The following PGPEP1 variants were observed in gnomAD, a reference collection of about 807,000 sequenced individuals.
PGPEP1 encodes pyroglutamyl-peptidase I, also known as pyroglutamyl-peptidase 1.
In PGPEP1, 15 loss-of-function variants were observed where a neutral mutation model predicts 24.1. The observed-to-expected ratio is 0.62, with a 90% CI of 0.42 to 0.96. PGPEP1 has a LOEUF of 0.96. Ranked by LOEUF, PGPEP1 falls within the 40% of genes least tolerant of loss-of-function variation. The probability of loss-of-function intolerance (pLI) is 0.00; values close to 1 mark genes in which losing one functional copy is unlikely to be tolerated. For synonymous variants in PGPEP1, 122 were observed against 116.4 expected (o/e 1.05, Z -0.31); for missense variants, 242 against 273.4 (o/e 0.89, Z 0.81).
chr19:18,352,496 A>T (rs922037297), intron 2 of PGPEP1, among the ~76,000 whole-genome samples: 3 of 151,570 alleles, frequency 2.0e-5, no homozygotes, highest in African/African-American at 7.3e-5. Flanking sequence ...TGTGGTGTGA[A>T]GATGGGAATT....
intron 4 of PGPEP1, among the ~76,000 whole-genome samples, chr19:18,363,029 TTGTTTG>T (rs1191259629): frequency 1.7e-5 from 1 of 59,418 alleles, no homozygotes; most frequent in African/African-American, 6.0e-5. Flanking sequence ...CAAGTTTTTT[TTGTTTG>T]TGTGTGTGTG....
At chr19:18,345,819 C>T (rs954773963) in intron 2 of PGPEP1, among the ~76,000 whole-genome samples, 7 of 151,622 alleles carry the variant, frequency 4.6e-5, no homozygotes, top group African/African-American at 7.3e-5. Context: ...GCGGGCAGAT[C>T]GCTTGAGGTC....
Position 18,367,477 on chromosome 19 carries a change from A to G in PGPEP1, c.*3894A>G, listed in dbSNP as rs1277800616. On this transcript the variant is annotated 3_prime_UTR_variant, in exon 5 of 5. Transcript: ENST00000269919. ...AGTGATCAGGGCACCTGGTACCCTG[A>G]CCAACTTGATGATGGCATCTCTTTT... is the stretch of plus-strand genomic sequence containing the variant. The G allele has an allele frequency of 6.6e-6, 1 of 152,002 alleles. No individual in the cohort carries two copies. Among genetic ancestry groups the G allele is most frequent in the African/African-American group, 2.4e-5 (1 of 41,360 alleles). 9.4% of individuals were successfully genotyped at this position (152,002 alleles called of 1,614,324 possible).
intron 2 of PGPEP1, among the ~76,000 whole-genome samples, chr19:18,353,243 G>C (rs1971089230): frequency 1.4e-5 from 2 of 142,918 alleles, no homozygotes; most frequent in South Asian, 4.3e-4. Context: ...TTTGAGACAA[G>C]GCCTTGCCCC....
At chr19:18,362,939 G>A (rs941700173) in intron 4 of PGPEP1, among the ~76,000 whole-genome samples, 5 of 152,000 alleles carry the variant, frequency 3.3e-5, no homozygotes, top group African/African-American at 1.2e-4. Context: ...CCTTCCACAC[G>A]GGGACAACCA....
intron 4 of PGPEP1, among the ~76,000 whole-genome samples, chr19:18,361,233 G>T (rs10402064): frequency 0.047 from 7,173 of 151,718 alleles, 255 homozygotes; most frequent in Non-Finnish European, 0.071. Flanking sequence ...TGCCTCCCAG[G>T]TTCAAGTGAT....
At chr19:18,341,039 C>A (rs1007438430) in intron 1 of PGPEP1, among the ~76,000 whole-genome samples, 1 of 152,146 alleles carries the variant, frequency 6.6e-6, no homozygotes, top group Non-Finnish European at 1.5e-5. Context: ...CTCTGTCTGG[C>A]CTGCGGGCTG....
intron 2 of PGPEP1, among the ~76,000 whole-genome samples, chr19:18,344,054 C>T (rs1970759800): frequency 6.6e-6 from 1 of 152,048 alleles, no homozygotes; most frequent in African/African-American, 2.4e-5. Context: ...GGTTTCTGAA[C>T]AGCCAAAGTG....
intron 2 of PGPEP1, among the ~76,000 whole-genome samples, chr19:18,354,557 G>A (rs1476344143): frequency 5.3e-5 from 8 of 152,144 alleles, no homozygotes; most frequent in African/African-American, 1.9e-4. Flanking sequence ...TCACCCTGCT[G>A]CCCAGGCTGG....
intron 4 of PGPEP1, among the ~76,000 whole-genome samples, chr19:18,358,909 C>T (rs1971268360): frequency 6.6e-6 from 1 of 152,260 alleles, no homozygotes; most frequent in African/African-American, 2.4e-5. Context: ...AGCCACCAAA[C>T]GTGGCCCAAA....
intron 2 of PGPEP1, among the ~76,000 whole-genome samples, chr19:18,344,840 A>G (rs1157696921): frequency 2.0e-5 from 3 of 152,114 alleles, no homozygotes; most frequent in Non-Finnish European, 4.4e-5. Flanking sequence ...ACTGATCTAC[A>G]TCTAAATAGA....
rs1227224728 is a variant in PGPEP1, at chr19:18,342,874, G to A, written c.50G>A (p.Gly17Glu). 1 of 1,613,834 alleles carries A rather than the reference G, an allele frequency of 6.2e-7. No individual in the cohort carries two copies. Among genetic ancestry groups the A allele is most frequent in the Non-Finnish European group, 8.5e-7 (1 of 1,179,762 alleles). The change falls in exon 2 of 5, where the codon GGG (glycine) becomes GAG (glutamate). Residue 17 changes from glycine to glutamate, a missense_variant. By Grantham distance (98) the Gly-to-Glu change is moderately conservative (BLOSUM62 -2). Transcript: ENST00000269919. ...GTTTTTTCAGGATTTGGCCCTTTTG[G>A]GGAACACACCGTGAACGCCAGTTGG... is the stretch of plus-strand genomic sequence containing the variant. ...AVVVTGFGPF[G>E]EHTVNASWIA...
chr19:18,353,987 C>G (rs1468723097), intron 2 of PGPEP1, among the ~76,000 whole-genome samples: 2 of 152,162 alleles, frequency 1.3e-5, no homozygotes, highest in Non-Finnish European at 2.9e-5. Flanking sequence ...GTAATCCCAG[C>G]ACTTTGGGAG....
At chr19:18,353,016 C>G (rs562488579) in intron 2 of PGPEP1, among the ~76,000 whole-genome samples, 2 of 152,000 alleles carry the variant, frequency 1.3e-5, no homozygotes, top group East Asian at 3.9e-4. Context: ...CTCCCAGGTT[C>G]AAGCCATACT....
At chr19:18,349,699 C>T (rs1249957886) in intron 2 of PGPEP1, among the ~76,000 whole-genome samples, 2 of 152,204 alleles carry the variant, frequency 1.3e-5, no homozygotes, top group Non-Finnish European at 2.9e-5. Context: ...CCCATCGCCG[C>T]TCCCATTCCT....
intron 2 of PGPEP1, among the ~76,000 whole-genome samples, chr19:18,352,404 A>G (rs1971059790): frequency 6.6e-6 from 1 of 151,256 alleles, no homozygotes; most frequent in South Asian, 2.1e-4. Context: ...AGATCATACT[A>G]CTGAATGATT....
intron 4 of PGPEP1, 151 bp from the exon 5 acceptor site, chr19:18,363,240 A>C (rs1428185942): frequency 3.4e-6 from 2 of 592,904 alleles, no homozygotes; most frequent in African/African-American, 1.9e-5. Context: ...CATCTTTGCC[A>C]ACCTGGGGAG....
At chr19:18,359,201 G>A (rs540131666) in intron 4 of PGPEP1, among the ~76,000 whole-genome samples, 40 of 152,090 alleles carry the variant, frequency 2.6e-4, no homozygotes, top group African/African-American at 9.1e-4. Flanking sequence ...CTGTGATAGC[G>A]CCACTGCACT....
intron 4 of PGPEP1, among the ~76,000 whole-genome samples, chr19:18,360,628 G>T (rs1386811426): frequency 6.6e-6 from 1 of 151,804 alleles, no homozygotes; most frequent in East Asian, 1.9e-4. Flanking sequence ...GGGTTCAAGC[G>T]ATTCTCCTGC....
Sources: allele counts gnomAD v4.1 joint callset (sites outside exome capture counted in the v4.1 genomes callset), GRCh38; gene constraint gnomAD v4.1.1; transcripts MANE v1.5; gene names NCBI Gene and HGNC (gene_info 2026-07-23, HGNC 2026-07-21).